The following PRKCE variants were observed in gnomAD, a reference collection of about 807,000 sequenced individuals.
PRKCE encodes protein kinase C epsilon.
Under a neutral mutation model 85.4 loss-of-function variants are expected in PRKCE, and 16 were observed. The ratio of observed to expected loss-of-function variants is 0.19; its 90% confidence interval spans 0.13 to 0.28. The LOEUF (loss-of-function observed/expected upper bound fraction) is 0.28, where lower values mean the gene tolerates loss of function less well. PRKCE is among the 10% of genes least tolerant of loss of function. The pLI, the probability that PRKCE is intolerant of heterozygous loss-of-function variation, is 1.00. For synonymous variants in PRKCE, 388 were observed against 371.5 expected (o/e 1.04, Z -0.51); for missense variants, 573 against 975.2 (o/e 0.59, Z 5.49).
intron 2 of PRKCE, among the ~76,000 whole-genome samples, chr2:45,885,839 G>A (rs1326672959): frequency 6.6e-6 from 1 of 152,220 alleles, no homozygotes; most frequent in Non-Finnish European, 1.5e-5. Context: ...CCAAAATGTT[G>A]TGTGTAGGAT....
At chr2:46,122,150 C>T (rs1445029998) in intron 11 of PRKCE, among the ~76,000 whole-genome samples, 9 of 152,156 alleles carry the variant, frequency 5.9e-5, no homozygotes, top group African/African-American at 1.9e-4. Context: ...CCCCACTGCC[C>T]GGAGAGGTAG....
In PRKCE at chr2:45,938,985, A is replaced by G. The variant is rs546049771; in HGVS notation, c.413-37444A>G. Among the ~76,000 whole-genome samples, 16 of 152,304 alleles carry G rather than the reference A, an allele frequency of 1.1e-4. No homozygotes were observed. The South Asian group carries it at 2.5e-3, about 24-fold the overall frequency. ...GAGTCAACACTCAGGAATCCAGCGC[A>G]GTAGGCTAATTCCACGCTGGCTCTG... On this transcript the variant is annotated intron_variant, in intron 2 of 14. Transcript: ENST00000306156.
chr2:46,060,604 A>G (rs6751805), intron 10 of PRKCE, among the ~76,000 whole-genome samples: 40,359 of 151,976 alleles, frequency 0.27, 6,010 homozygotes, highest in African/African-American at 0.4. Context: ...CAGTGGGAAA[A>G]GGGTCCCGGA....
chr2:45,757,363 C>T (rs1372774121), intron 1 of PRKCE, among the ~76,000 whole-genome samples: 9 of 145,310 alleles, frequency 6.2e-5, no homozygotes, highest in Non-Finnish European at 1.2e-4. Flanking sequence ...GTAAACTGTC[C>T]ATTAATAAAG....
intron 6 of PRKCE, among the ~76,000 whole-genome samples, chr2:45,985,426 G>T (rs1703235684): frequency 6.6e-6 from 1 of 152,090 alleles, no homozygotes; most frequent in African/African-American, 2.4e-5. Context: ...GGTCCAGCCT[G>T]CTTGCACGGT....
At chr2:46,057,523 C>A (rs2105100161) in intron 10 of PRKCE, among the ~76,000 whole-genome samples, 1 of 152,016 alleles carries the variant, frequency 6.6e-6, no homozygotes, top group Non-Finnish European at 1.5e-5. Context: ...CAACCTCCAC[C>A]TCCCAGGTTC....
intron 2 of PRKCE, among the ~76,000 whole-genome samples, chr2:45,866,076 T>G (rs1278273506): frequency 6.6e-6 from 1 of 152,044 alleles, no homozygotes; most frequent in Non-Finnish European, 1.5e-5. Context: ...CTCCTCAACC[T>G]CCCAAAGTGC....
intron 11 of PRKCE, among the ~76,000 whole-genome samples, chr2:46,130,515 A>G (rs1007709980): frequency 1.3e-5 from 2 of 152,190 alleles, no homozygotes; most frequent in East Asian, 3.8e-4. Flanking sequence ...TGAAGTTTCA[A>G]TTTTTGTCAT....
At chr2:45,917,939 C>T (rs1697944723) in intron 2 of PRKCE, among the ~76,000 whole-genome samples, 1 of 152,208 alleles carries the variant, frequency 6.6e-6, no homozygotes, top group African/African-American at 2.4e-5. Flanking sequence ...TTGCCCAGGG[C>T]TGGCAGGGCC....
chr2:46,125,298 C>G (rs1374181487), intron 11 of PRKCE, among the ~76,000 whole-genome samples: 1 of 152,166 alleles, frequency 6.6e-6, no homozygotes. Context: ...ATGTGGTTGA[C>G]AAGGAGGACT....
chr2:46,019,865 T>G (rs1481141830), intron 10 of PRKCE, among the ~76,000 whole-genome samples: 5 of 148,936 alleles, frequency 3.4e-5, no homozygotes, highest in Non-Finnish European at 4.5e-5. Context: ...TTTTTTTTTT[T>G]TTTGAGACGG....
chr2:45,846,541 A>C (rs536563419), intron 2 of PRKCE, among the ~76,000 whole-genome samples: 1 of 152,202 alleles, frequency 6.6e-6, no homozygotes, highest in Non-Finnish European at 1.5e-5. Context: ...GATTTTTGCA[A>C]CACGTACCTC....
intron 2 of PRKCE, among the ~76,000 whole-genome samples, chr2:45,931,234 A>AT (rs1186018910): frequency 6.6e-6 from 1 of 152,208 alleles, no homozygotes; most frequent in African/African-American, 2.4e-5. Flanking sequence ...ATTATGGTGT[A>AT]TTGCTATTAA....
intron 10 of PRKCE, among the ~76,000 whole-genome samples, chr2:46,046,973 T>C (rs1432865110): frequency 1.3e-5 from 2 of 152,230 alleles, no homozygotes; most frequent in Non-Finnish European, 2.9e-5. Context: ...AGGAGGACAC[T>C]GGGCTTTCCT....
intron 1 of PRKCE, among the ~76,000 whole-genome samples, chr2:45,691,385 C>T (rs1274135737): frequency 6.6e-6 from 1 of 152,208 alleles, no homozygotes; most frequent in East Asian, 1.9e-4. Context: ...CTGGTGGACA[C>T]CAGCAGACTG....
At chr2:45,788,067 T>C (rs1686750958) in intron 1 of PRKCE, among the ~76,000 whole-genome samples, 1 of 152,184 alleles carries the variant, frequency 6.6e-6, no homozygotes, top group African/African-American at 2.4e-5. Context: ...CTCACCGTGT[T>C]CTGACTCTGA....
chr2:45,828,293 G>A (rs535056690), intron 1 of PRKCE, among the ~76,000 whole-genome samples: 21 of 152,296 alleles, frequency 1.4e-4, no homozygotes, highest in South Asian at 6.2e-4. Context: ...CCAACTACTC[G>A]GGAAGCTGAG....
rs143153033 is a variant in PRKCE, at chr2:45,979,794, T to C, written c.608-502T>C. Among the ~76,000 whole-genome samples the C allele has an allele frequency of 3.7e-4, 56 of 152,260 alleles. No individual in the cohort carries two copies. The South Asian group carries it at 6.4e-3, about 17-fold the overall frequency. On this transcript the variant is annotated intron_variant, in intron 4 of 14. Transcript: ENST00000306156. ...TAACAACACAGATATAGGCCACTTG[T>C]GGAAGTATTAAAGTCGATGGGAATT...
chr2:45,996,076 A>G (rs1043350947), intron 6 of PRKCE, among the ~76,000 whole-genome samples: 2 of 152,034 alleles, frequency 1.3e-5, no homozygotes, highest in Non-Finnish European at 2.9e-5. Flanking sequence ...TCTTGTACAT[A>G]TTTTGTGAGA....
Sources: allele counts gnomAD v4.1 joint callset (sites outside exome capture counted in the v4.1 genomes callset), GRCh38; gene constraint gnomAD v4.1.1; transcripts MANE v1.5; gene names NCBI Gene and HGNC (gene_info 2026-07-23, HGNC 2026-07-21).